CLIC5: variants seen among roughly 807,000 people sequenced by gnomAD.
CLIC5 encodes chloride intracellular channel protein 5.
Under a neutral mutation model 24.7 loss-of-function variants are expected in CLIC5, and 20 were observed. The ratio of observed to expected loss-of-function variants is 0.81; its 90% CI spans 0.57 to 1.18. The LOEUF (loss-of-function observed/expected upper bound fraction) is 1.18, where lower values mean the gene tolerates loss of function less well. Among genes scored for constraint, CLIC5 ranks in the 50% most tolerant of loss-of-function variants. The pLI is 0.00. For synonymous variants in CLIC5, 159 were observed against 135.6 expected (o/e 1.17, Z -1.20); for missense variants, 341 against 326.1 (o/e 1.05, Z -0.35).
At chr6:45,935,740 G>A (rs779661702) in intron 4 of CLIC5, among the ~76,000 whole-genome samples, 1 of 152,128 alleles carries the variant, frequency 6.6e-6, no homozygotes, top group African/African-American at 2.4e-5. Flanking sequence ...CCTTTCTAAG[G>A]GAGCAGGGTT....
At chr6:46,034,846 C>T (rs1338078293) in intron 1 of CLIC5, among the ~76,000 whole-genome samples, 1 of 152,180 alleles carries the variant, frequency 6.6e-6, no homozygotes, top group African/African-American at 2.4e-5. Context: ...CGGACTCAAA[C>T]TATGTCATTT....
chr6:45,979,842 A>T (rs1353955233), intron 1 of CLIC5, among the ~76,000 whole-genome samples: 1 of 149,480 alleles, frequency 6.7e-6, no homozygotes, highest in African/African-American at 2.5e-5. Context: ...TTGTCTGTTT[A>T]CTCTCTCTGT....
the CLIC5 span, among the ~76,000 whole-genome samples, chr6:46,124,871 A>T: frequency 4.6e-5 from 7 of 152,346 alleles, no homozygotes; most frequent in South Asian, 1.5e-3. Flanking sequence ...TCAAAACCAC[A>T]ATGAGATGTC....
intron 4 of CLIC5, chr6:45,920,710 A>G: frequency 2.1e-6 from 2 of 965,138 alleles, no homozygotes; most frequent in Middle Eastern, 5.3e-4. Context: ...AGGAAGAGAC[A>G]CTGAGAGAGA....
intron 1 of CLIC5, among the ~76,000 whole-genome samples, chr6:46,075,442 G>T (rs1762740002): frequency 1.3e-5 from 2 of 152,046 alleles, no homozygotes; most frequent in African/African-American, 4.8e-5. Flanking sequence ...TTAATTAGAT[G>T]GGTATGGTGG....
At chr6:46,078,107 C>G (rs1412518726) in intron 1 of CLIC5, among the ~76,000 whole-genome samples, 3 of 152,142 alleles carry the variant, frequency 2.0e-5, no homozygotes, top group African/African-American at 7.2e-5. Context: ...CGTCTGTAAT[C>G]CCAGCACTCT....
At chr6:46,043,701 G>A (rs1232698263) in intron 1 of CLIC5, among the ~76,000 whole-genome samples, 3 of 152,162 alleles carry the variant, frequency 2.0e-5, no homozygotes, top group Admixed American at 2.0e-4. Flanking sequence ...CTGTGGAGAT[G>A]GGAAGAAAGG....
chr6:45,900,061 C>T lies in CLIC5; in HGVS notation c.*3027G>A, dbSNP rs917170647. 6.6e-6 allele frequency: 1 copy of T among 152,108 alleles called. No individual in the cohort carries two copies. Among genetic ancestry groups the T allele is most frequent in the African/African-American group, 2.4e-5 (1 of 41,408 alleles). The allele number at this position is 152,108 out of a possible 1,614,324, so 9.4% of individuals were successfully genotyped here. A position where few individuals can be genotyped will look rare whatever the true frequency, so the allele number is the denominator to read the frequency against. On this transcript the variant is annotated 3_prime_UTR_variant, in exon 6 of 6. Coordinates refer to ENST00000339561, the MANE Select transcript of CLIC5 (RefSeq NM_016929.5). Reference sequence around the variant, plus strand: ...ATCCATCATGATTTTACTTATCCAGCTTACTTTTTACAGTTATTAAAATCT... The same window carrying T: ...ATCCATCATGATTTTACTTATCCAGTTTACTTTTTACAGTTATTAAAATCT...
chr6:45,905,159 C>T (rs796475893), intron 5 of CLIC5, among the ~76,000 whole-genome samples: 2 of 152,212 alleles, frequency 1.3e-5, no homozygotes, highest in African/African-American at 4.8e-5. Flanking sequence ...CATGTCTTTG[C>T]TATTGTGAAG....
At chr6:46,024,933 C>T (rs906578114) in intron 1 of CLIC5, among the ~76,000 whole-genome samples, 1 of 152,070 alleles carries the variant, frequency 6.6e-6, no homozygotes, top group Admixed American at 6.5e-5. Flanking sequence ...AAAATATGTT[C>T]AGGAATTGAC....
chr6:46,095,166 G>A, the CLIC5 span, among the ~76,000 whole-genome samples: 2 of 151,362 alleles, frequency 1.3e-5, no homozygotes, highest in African/African-American at 4.9e-5. Context: ...GCCTGGCCCA[G>A]GAAACCATTC....
chr6:46,006,836 C>T lies in CLIC5; in HGVS notation c.63+8644G>A, dbSNP rs796543111. On this transcript the variant is annotated intron_variant, in intron 1 of 5. Transcript: ENST00000339561. Reference sequence around the variant, plus strand: ...GGCTATAGGTGGGTGCCACCACACCCGGCTAATTTTTTTGTATTTTGCTAG... The same window carrying T: ...GGCTATAGGTGGGTGCCACCACACCTGGCTAATTTTTTTGTATTTTGCTAG... 4.6e-5 allele frequency among the ~76,000 whole-genome samples: 7 copies of T among 151,932 alleles called. No homozygotes were observed. In the East Asian group the frequency reaches 5.8e-4, roughly 13 times the overall value.
At chr6:45,949,646 A>C (rs928501494) in intron 2 of CLIC5, among the ~76,000 whole-genome samples, 9 of 152,194 alleles carry the variant, frequency 5.9e-5, no homozygotes, top group Admixed American at 2.0e-4. Context: ...AATTGAAAAA[A>C]TGGAGAGAAT....
chr6:46,072,792 G>A (rs1325195298), intron 1 of CLIC5, among the ~76,000 whole-genome samples: 2 of 152,144 alleles, frequency 1.3e-5, no homozygotes, highest in Non-Finnish European at 2.9e-5. Flanking sequence ...GGGCACACAA[G>A]GTGTGAGTAC....
intron 1 of CLIC5, among the ~76,000 whole-genome samples, chr6:46,007,532 T>C (rs1291744275): frequency 2.6e-5 from 4 of 152,214 alleles, no homozygotes; most frequent in Non-Finnish European, 5.9e-5. Context: ...CTTGGCCTCC[T>C]GATGGGACCA....
At chr6:46,108,109 C>T in the CLIC5 span, among the ~76,000 whole-genome samples, 742 of 141,972 alleles carry the variant, frequency 5.2e-3, 3 homozygotes, top group African/African-American at 0.017. Flanking sequence ...AATTATAAGA[C>T]GTTAAAAAGG....
intron 1 of CLIC5, among the ~76,000 whole-genome samples, chr6:46,021,844 T>G (rs1767193628): frequency 1.3e-5 from 2 of 152,232 alleles, no homozygotes; most frequent in African/African-American, 4.8e-5. Context: ...GCATCCTGTT[T>G]GTGTCATTGG....
intron 1 of CLIC5, among the ~76,000 whole-genome samples, chr6:45,981,985 G>A (rs1765583393): frequency 6.9e-6 from 1 of 145,730 alleles, no homozygotes; most frequent in Non-Finnish European, 1.5e-5. Context: ...GTGATAGAGG[G>A]AGACTCCATC....
rs1243138730 is a variant in CLIC5 at position 46,006,093 on chromosome 6, C to CATAT, written c.63+9383_63+9386dup. ...ATATATATATACACATGTATAAATA[C>CATAT]ATATATATATATATATATACACATG... On this transcript the variant is annotated intron_variant, in intron 1 of 5. Coordinates refer to ENST00000339561, the MANE Select transcript of CLIC5 (RefSeq NM_016929.5). Among the ~76,000 whole-genome samples the CATAT allele has an allele frequency of 7.6e-4, 72 of 94,782 alleles. 3 individuals carry two copies. Among genetic ancestry groups the CATAT allele is most frequent in the African/African-American group, 2.6e-3 (58 of 21,898 alleles). 62.2% of individuals were successfully genotyped at this position (94,782 alleles called of 152,430 possible).
Sources: allele counts gnomAD v4.1 joint callset (sites outside exome capture counted in the v4.1 genomes callset), GRCh38; gene constraint gnomAD v4.1.1; transcripts MANE v1.5; gene names NCBI Gene and HGNC (gene_info 2026-07-23, HGNC 2026-07-21).